ARHGEF28: variants seen among roughly 807,000 people sequenced by gnomAD.
The protein encoded by ARHGEF28 is 190 kDa guanine nucleotide exchange factor.
Under a neutral mutation model 206.6 loss-of-function variants are expected in ARHGEF28, and 152 were observed. The observed-to-expected ratio is 0.74, with a 90% confidence interval of 0.64 to 0.84. The LOEUF (loss-of-function observed/expected upper bound fraction) is 0.84, where lower values mean the gene tolerates loss of function less well. Ranked by LOEUF, ARHGEF28 falls within the 40% of genes least tolerant of loss-of-function variation. ARHGEF28 has a pLI of 0.00. For missense variants in ARHGEF28, 2,028 were observed against 2,073.2 expected, an observed-to-expected ratio of 0.98 and a Z score of 0.42; for synonymous variants, 763 against 776.4, an observed-to-expected ratio of 0.98 and a Z score of 0.29.
intron 16 of ARHGEF28, among the ~76,000 whole-genome samples, chr5:73,863,749 A>G (rs1759538226): frequency 6.6e-6 from 1 of 151,452 alleles, no homozygotes. Context: ...GTTCTGTGGT[A>G]TCTTAGGGTA....
chr5:73,724,747 T>C (rs1750175059), intron 2 of ARHGEF28, among the ~76,000 whole-genome samples: 1 of 152,250 alleles, frequency 6.6e-6, no homozygotes, highest in Admixed American at 6.5e-5. Context: ...TTTGTTCCTT[T>C]GTATTTCTTA....
At chr5:73,753,859 G>A (rs914113655) in intron 4 of ARHGEF28, among the ~76,000 whole-genome samples, 1 of 152,112 alleles carries the variant, frequency 6.6e-6, no homozygotes, top group Non-Finnish European at 1.5e-5. Flanking sequence ...TTTGAGAGAT[G>A]GGGTCTCACT....
chr5:73,630,857 A>G (rs960782625), intron 1 of ARHGEF28, among the ~76,000 whole-genome samples: 3 of 152,252 alleles, frequency 2.0e-5, no homozygotes, highest in African/African-American at 7.2e-5. Flanking sequence ...GTCTTGGTCA[A>G]CACTACTGGA....
intron 4 of ARHGEF28, among the ~76,000 whole-genome samples, chr5:73,753,895 T>C (rs1163138231): frequency 1.3e-5 from 2 of 152,330 alleles, no homozygotes; most frequent in East Asian, 3.9e-4. Context: ...AACTTGAACT[T>C]CTGACTTCAG....
chr5:73,799,480 A>G (rs76087833), intron 9 of ARHGEF28, among the ~76,000 whole-genome samples: 2,746 of 152,316 alleles, frequency 0.018, 77 homozygotes, highest in African/African-American at 0.063. Context: ...CCATAATGCC[A>G]GTGTCTCAGG....
chr5:73,812,131 A>G (rs186399289), intron 9 of ARHGEF28, among the ~76,000 whole-genome samples: 1 of 152,276 alleles, frequency 6.6e-6, no homozygotes. Context: ...TGATTTATGT[A>G]ATTCTGATTT....
intron 22 of ARHGEF28, among the ~76,000 whole-genome samples, chr5:73,875,468 G>C (rs1483237383): frequency 6.8e-6 from 1 of 147,720 alleles, no homozygotes; most frequent in African/African-American, 2.5e-5. Flanking sequence ...CATTGCTTTT[G>C]GTGTTTTAGA....
chr5:73,882,315 A>G lies in ARHGEF28; in HGVS notation c.2815-157A>G, dbSNP rs556612875. Among the ~76,000 whole-genome samples the G allele has an allele frequency of 9.9e-5, 15 of 152,240 alleles. No homozygotes were observed. In the South Asian group the frequency reaches 3.1e-3, roughly 32 times the overall value. On this transcript the variant is annotated intron_variant, in intron 22 of 35. Transcript: ENST00000513042. ...AACAACTTTCTTTTATTTTAATTTA[A>G]AAAATGTCTGAGGAGATAAGTGATT...
At chr5:73,768,732 G>A (rs1316241984) in intron 4 of ARHGEF28, among the ~76,000 whole-genome samples, 1 of 152,036 alleles carries the variant, frequency 6.6e-6, no homozygotes. Context: ...AAGACTTTGA[G>A]GGACCATTGG....
intron 2 of ARHGEF28, among the ~76,000 whole-genome samples, chr5:73,716,964 G>A (rs1749622619): frequency 6.6e-6 from 1 of 151,998 alleles, no homozygotes; most frequent in Non-Finnish European, 1.5e-5. Flanking sequence ...AGTATAAAAA[G>A]GATACTGCTG....
chr5:73,689,747 A>T (rs1747696595), intron 2 of ARHGEF28, among the ~76,000 whole-genome samples: 1 of 151,280 alleles, frequency 6.6e-6, no homozygotes, highest in South Asian at 2.1e-4. Flanking sequence ...CTGGAAGGCT[A>T]GTCTGTTTAT....
intron 35 of ARHGEF28, among the ~76,000 whole-genome samples, chr5:73,917,098 A>G (rs1763254437): frequency 1.3e-5 from 2 of 152,318 alleles, no homozygotes; most frequent in Admixed American, 6.5e-5. Context: ...TTCCATGCCT[A>G]GGCCTTAACT....
At chr5:73,704,526 G>C (rs1273841509) in intron 2 of ARHGEF28, among the ~76,000 whole-genome samples, 1 of 152,146 alleles carries the variant, frequency 6.6e-6, no homozygotes, top group Non-Finnish European at 1.5e-5. Context: ...CCATGTTGAA[G>C]TGATTCTCCT....
In ARHGEF28 at chr5:73,740,564, T is replaced by C. The variant is rs1016905639; in HGVS notation, c.34-9273T>C. ...CTCTTCCCTTGGGGCCTGCAGAACA[T>C]GTCTAATCCTATGTCTGCATGATAG... On this transcript the variant is annotated intron_variant, in intron 2 of 35. Coordinates refer to ENST00000513042, the MANE Select transcript of ARHGEF28 (RefSeq NM_001177693.2). Among the ~76,000 whole-genome samples the C allele has an allele frequency of 3.9e-5, 6 of 152,190 alleles. No homozygotes were observed. The South Asian group carries it at 6.2e-4, about 16-fold the overall frequency.
intron 16 of ARHGEF28, among the ~76,000 whole-genome samples, chr5:73,863,786 C>G (rs1376473098): frequency 1.3e-5 from 2 of 151,904 alleles, no homozygotes; most frequent in Non-Finnish European, 2.9e-5. Context: ...TATTTACTCA[C>G]TCTGCAATGA....
chr5:73,898,205 T>G (rs1762071239), intron 30 of ARHGEF28, 112 bp downstream of exon 30: 15 of 1,298,830 alleles, frequency 1.2e-5, no homozygotes, highest in African/African-American at 1.5e-5. Flanking sequence ...ACTTGATATA[T>G]TTTTTTAAAT....
intron 2 of ARHGEF28, 84 bp from the exon 3 acceptor site, chr5:73,749,753 T>C: frequency 2.0e-6 from 3 of 1,485,886 alleles, no homozygotes; most frequent in Non-Finnish European, 2.8e-6. Flanking sequence ...AATGACACTG[T>C]TATGGACCCA....
chr5:73,874,116 A>G (rs1168552827), intron 22 of ARHGEF28, among the ~76,000 whole-genome samples: 3 of 152,174 alleles, frequency 2.0e-5, no homozygotes, highest in Non-Finnish European at 4.4e-5. Flanking sequence ...CACTTCCCTC[A>G]TGGCTAATGA....
intron 2 of ARHGEF28, among the ~76,000 whole-genome samples, chr5:73,693,459 G>T (rs977959712): frequency 6.6e-6 from 1 of 152,122 alleles, no homozygotes; most frequent in Non-Finnish European, 1.5e-5. Flanking sequence ...TTAATTGATG[G>T]TCATTTGCTC....
Sources: gnomAD v4.1 joint callset for allele counts (sites outside exome capture counted in the v4.1 genomes callset) on GRCh38, gnomAD v4.1.1 for gene constraint, MANE v1.5 for transcripts, NCBI Gene and HGNC (gene_info 2026-07-23, HGNC 2026-07-21) for gene names.